The following CSMD2 variants were observed in gnomAD, a reference collection of about 807,000 sequenced individuals.
CSMD2 encodes the protein CUB and sushi domain-containing protein 2.
Under a neutral mutation model 398.5 loss-of-function variants are expected in CSMD2, and 130 were observed. The ratio of observed to expected loss-of-function variants is 0.33; its 90% CI spans 0.28 to 0.38. The LOEUF (loss-of-function observed/expected upper bound fraction) is 0.38. Among genes scored for constraint, CSMD2 ranks in the 10% least tolerant of loss-of-function variants. The pLI, the probability that CSMD2 is intolerant of heterozygous loss-of-function variation, is 1.00. For missense variants in CSMD2, 3,829 were observed against 4,764.9 expected, an observed-to-expected ratio of 0.80 and a Z score of 5.78; for synonymous variants, 1,828 against 1,908.5, an observed-to-expected ratio of 0.96 and a Z score of 1.10.
intron 6 of CSMD2, among the ~76,000 whole-genome samples, chr1:33,827,911 G>A (rs1659013066): frequency 6.6e-6 from 1 of 152,184 alleles, no homozygotes; most frequent in African/African-American, 2.4e-5. Flanking sequence ...CTGCTCCCAA[G>A]CTCAGGCTCT....
chr1:34,029,897 C>T lies in CSMD2; in HGVS notation c.517+2697G>A, dbSNP rs1435154492. ...GGTGAAATAGGCTGTTCCTTCTGCC[C>T]TGTGAGTCTTGCTGTGGAATGTTGA... On this transcript the variant is annotated intron_variant, in intron 3 of 70. Coordinates refer to ENST00000373381, the MANE Select transcript of CSMD2 (RefSeq NM_001281956.2). Among the ~76,000 whole-genome samples, 5 of 152,212 alleles carry T rather than the reference C, an allele frequency of 3.3e-5. No individual in the cohort carries two copies. In the East Asian group the frequency reaches 9.6e-4, roughly 29 times the overall value.
intron 3 of CSMD2, among the ~76,000 whole-genome samples, chr1:33,980,937 C>A (rs755433393): frequency 6.6e-6 from 1 of 152,088 alleles, no homozygotes; most frequent in African/African-American, 2.4e-5. Flanking sequence ...TGGGAGGATA[C>A]AAGCCTATCT....
intron 22 of CSMD2, among the ~76,000 whole-genome samples, chr1:33,704,277 A>T (rs1280903919): frequency 1.3e-5 from 2 of 152,106 alleles, no homozygotes; most frequent in African/African-American, 4.8e-5. Context: ...AATTTTCTAT[A>T]TTCCTTTCTA....
intron 5 of CSMD2, among the ~76,000 whole-genome samples, chr1:33,907,026 G>A (rs1432502225): frequency 1.3e-5 from 2 of 152,004 alleles, no homozygotes; most frequent in Admixed American, 1.3e-4. Flanking sequence ...TCCAGAAGGT[G>A]AGACCTGAAA....
intron 5 of CSMD2, among the ~76,000 whole-genome samples, chr1:33,897,596 A>G (rs1275490716): frequency 6.6e-6 from 1 of 152,204 alleles, no homozygotes; most frequent in African/African-American, 2.4e-5. Context: ...TGCAGCCAGC[A>G]CTGCTTCCGT....
At chr1:33,588,682 G>A (rs1022728026) in intron 44 of CSMD2, among the ~76,000 whole-genome samples, 1 of 152,216 alleles carries the variant, frequency 6.6e-6, no homozygotes, top group African/African-American at 2.4e-5. Context: ...AACATGGTGT[G>A]ACAAAACAGC....
At chr1:33,683,712 A>T (rs1032645816) in intron 25 of CSMD2, among the ~76,000 whole-genome samples, 11 of 152,188 alleles carry the variant, frequency 7.2e-5, no homozygotes, top group Non-Finnish European at 4.4e-5. Context: ...GGAGAGTGCC[A>T]CCATTCTCAA....
In CSMD2 at chr1:33,920,222, G is replaced by A. The variant is rs563634806; in HGVS notation, c.713-1921C>T. Among the ~76,000 whole-genome samples the A allele has an allele frequency of 7.2e-5, 11 of 152,168 alleles. No homozygotes were observed. The South Asian group carries it at 1.9e-3, about 26-fold the overall frequency. On this transcript the variant is annotated intron_variant, in intron 4 of 70. Transcript: ENST00000373381. Reference sequence around the variant, plus strand: ...CACCAGGGTGCAGAGGCCTGGCACCGTTGAAGAGCATCAAGAGACCCAAGG... The same window carrying A: ...CACCAGGGTGCAGAGGCCTGGCACCATTGAAGAGCATCAAGAGACCCAAGG...
At chr1:33,634,356 C>G (rs1642667303) in intron 31 of CSMD2, among the ~76,000 whole-genome samples, 1 of 152,228 alleles carries the variant, frequency 6.6e-6, no homozygotes, top group South Asian at 2.1e-4. Flanking sequence ...AAGCATCAGG[C>G]CTTGCTCTGT....
At chr1:34,069,779 G>C (rs1274346256) in intron 2 of CSMD2, among the ~76,000 whole-genome samples, 1 of 152,204 alleles carries the variant, frequency 6.6e-6, no homozygotes, top group African/African-American at 2.4e-5. Flanking sequence ...GAAAGGAGGG[G>C]AAAGGGGACC....
intron 70 of CSMD2, 147 bp from the exon 71 acceptor site, chr1:33,516,717 A>T (rs1164460849): frequency 1.3e-5 from 2 of 152,236 alleles, no homozygotes; most frequent in African/African-American, 4.8e-5. Context: ...CTTCACTTTG[A>T]TTTTTAATCT....
rs774328223 is a variant in CSMD2 at position 33,583,827 on chromosome 1, T to G, written c.7055A>C (p.His2352Pro). Residue 2352 changes from histidine (H) to proline (P), a missense_variant, in exon 47 of 71, where the codon CAC (histidine) becomes CCC (proline). By Grantham distance (77) the His-to-Pro change is moderately conservative. Around this residue, in one of 5 missense-constraint regions of CSMD2, gnomAD observed 723 missense variants for 758.6 expected, o/e 0.95. Transcript: ENST00000373381. The stretch of plus-strand genomic sequence containing the variant: ...TGTCAGAAGCTCATTTGTTGGACAG[T>G]GCACTTGGAGAAAGAAAGAGAAACA... The part of the protein sequence containing the change: ...FEGPPPICEV[H>P]CPTNELLTDS... The G allele has an allele frequency of 5.0e-6, 8 of 1,612,764 alleles. No homozygotes were observed. Among genetic ancestry groups the G allele is most frequent in the Non-Finnish European group, 6.8e-6 (8 of 1,179,274 alleles).
chr1:34,039,903 A>G (rs949354254), intron 2 of CSMD2, among the ~76,000 whole-genome samples: 2 of 152,196 alleles, frequency 1.3e-5, no homozygotes, highest in Non-Finnish European at 2.9e-5. Context: ...CTGTAATCCC[A>G]GCACTTTGGG....
chr1:33,525,329 A>T (rs12030298), intron 65 of CSMD2, among the ~76,000 whole-genome samples: 40,518 of 152,140 alleles, frequency 0.27, 5,922 homozygotes, highest in African/African-American at 0.38. Context: ...ACAAATAAAG[A>T]AAAGGGTATA....
At chr1:33,865,068 G>C (rs1469801388) in intron 5 of CSMD2, among the ~76,000 whole-genome samples, 1 of 150,924 alleles carries the variant, frequency 6.6e-6, no homozygotes, top group Admixed American at 6.6e-5. Context: ...CACTGGGTGG[G>C]AGCCTCCAGG....
intron 13 of CSMD2, among the ~76,000 whole-genome samples, chr1:33,756,013 C>G (rs1241653411): frequency 6.6e-6 from 1 of 152,098 alleles, no homozygotes; most frequent in Non-Finnish European, 1.5e-5. Flanking sequence ...ACAGAGCTAG[C>G]CCTCTCTCAT....
At chr1:33,934,410 C>CAG (rs1490858094) in intron 4 of CSMD2, among the ~76,000 whole-genome samples, 30 of 152,136 alleles carry the variant, frequency 2.0e-4, no homozygotes, top group African/African-American at 6.8e-4. Flanking sequence ...GGCCAGTCTG[C>CAG]AGAGGAGTAA....
At chr1:33,588,668 C>T (rs765462016) in intron 44 of CSMD2, among the ~76,000 whole-genome samples, 2 of 152,184 alleles carry the variant, frequency 1.3e-5, no homozygotes, top group African/African-American at 4.8e-5. Flanking sequence ...CACGATCACC[C>T]AACAACATGG....
At chr1:33,970,525 C>T (rs1052222098) in intron 3 of CSMD2, among the ~76,000 whole-genome samples, 5 of 152,224 alleles carry the variant, frequency 3.3e-5, no homozygotes, top group Admixed American at 6.5e-5. Flanking sequence ...ACTACAGGTG[C>T]TCTCCTGGCA....
Sources: allele counts gnomAD v4.1 joint callset (sites outside exome capture counted in the v4.1 genomes callset), GRCh38; gene constraint gnomAD v4.1.1; regional missense constraint gnomAD v4.1.1; transcripts MANE v1.5; gene names NCBI Gene and HGNC (gene_info 2026-07-23, HGNC 2026-07-21).